Variants in KIAA1217 observed in about 807,000 individuals in gnomAD.
The protein encoded by KIAA1217 is KIAA1217, also known as sickle tail protein homolog.
KIAA1217 carries 88 observed loss-of-function variants against 163.9 expected under a neutral mutation model. The observed-to-expected ratio is 0.54, with a 90% CI of 0.45 to 0.64. KIAA1217 has a LOEUF of 0.64. Ranked by LOEUF, KIAA1217 falls within the 30% of genes least tolerant of loss-of-function variation. The pLI is 0.00. For synonymous variants in KIAA1217, 903 were observed against 923.1 expected (o/e 0.98, Z 0.39); for missense variants, 2,372 against 2,475.0 (o/e 0.96, Z 0.88).
chr10:24,389,550 TAA>T (rs113154724), intron 3 of KIAA1217, among the ~76,000 whole-genome samples: 23 of 138,418 alleles, frequency 1.7e-4, no homozygotes, highest in Middle Eastern at 3.6e-3. Flanking sequence ...TAAAGTATAA[TAA>T]AAAAAAAAAA....
chr10:24,213,480 GC>G (rs2068419784), intron 1 of KIAA1217, among the ~76,000 whole-genome samples: 1 of 152,136 alleles, frequency 6.6e-6, no homozygotes, highest in Admixed American at 6.6e-5. Context: ...CTCTAAAACA[GC>G]CCCCTCAGTC....
intron 2 of KIAA1217, among the ~76,000 whole-genome samples, chr10:24,025,425 A>T (rs138829243): frequency 0.016 from 2,438 of 151,844 alleles, 61 homozygotes; most frequent in African/African-American, 0.055. Context: ...GCTGTATAAG[A>T]TTTGAAATTA....
intron 1 of KIAA1217, among the ~76,000 whole-genome samples, chr10:23,990,519 T>C (rs1846174552): frequency 1.3e-5 from 2 of 152,330 alleles, no homozygotes; most frequent in South Asian, 2.1e-4. Context: ...TAATTCAGTT[T>C]CTGTGGGTGC....
intron 1 of KIAA1217, among the ~76,000 whole-genome samples, chr10:23,842,792 T>C (rs141653028): frequency 6.0e-4 from 91 of 152,048 alleles, no homozygotes; most frequent in African/African-American, 2.2e-3. Flanking sequence ...GCAGAAGAGT[T>C]TCCAAAATGG....
At chr10:23,933,146 T>C (rs1843326571) in intron 1 of KIAA1217, among the ~76,000 whole-genome samples, 1 of 152,244 alleles carries the variant, frequency 6.6e-6, no homozygotes, top group South Asian at 2.1e-4. Context: ...TGCTAGGCGT[T>C]GTGGAGCTAG....
At chr10:24,288,741 T>C (rs977426150) in intron 2 of KIAA1217, among the ~76,000 whole-genome samples, 3 of 152,222 alleles carry the variant, frequency 2.0e-5, no homozygotes, top group Non-Finnish European at 4.4e-5. Flanking sequence ...GATCATGGTA[T>C]GTCCTGTGCA....
chr10:24,044,555 A>G (rs986327533), intron 2 of KIAA1217, among the ~76,000 whole-genome samples: 2 of 151,972 alleles, frequency 1.3e-5, no homozygotes, highest in African/African-American at 4.8e-5. Context: ...AGACTAGTGT[A>G]GTGACCCTTC....
intron 2 of KIAA1217, among the ~76,000 whole-genome samples, chr10:24,345,764 CATTTT>C (rs2047664071): frequency 6.6e-6 from 1 of 151,426 alleles, no homozygotes; most frequent in Non-Finnish European, 1.5e-5. Context: ...CCCCCTTTCT[CATTTT>C]ATTCATTTGA....
intron 1 of KIAA1217, among the ~76,000 whole-genome samples, chr10:24,209,928 A>G (rs972006083): frequency 2.0e-5 from 3 of 152,156 alleles, no homozygotes; most frequent in African/African-American, 7.2e-5. Flanking sequence ...GGGAATTTCC[A>G]GAAGCTTATG....
At chr10:23,822,205 C>A (rs950243526) in intron 1 of KIAA1217, among the ~76,000 whole-genome samples, 1 of 152,292 alleles carries the variant, frequency 6.6e-6, no homozygotes, top group Non-Finnish European at 1.5e-5. Context: ...GACTCCAAAG[C>A]CTGCATAGGG....
In KIAA1217 at chr10:23,921,995, A is replaced by T. The variant is rs546501734; in HGVS notation, c.-320-85230A>T. Among the ~76,000 whole-genome samples, 20 of 152,172 alleles carry T rather than the reference A, an allele frequency of 1.3e-4. No homozygotes were observed. The South Asian group carries it at 1.7e-3, about 13-fold the overall frequency. ...TAGATAGCTTCAGGATGGGAGTTGC[A>T]GTTGCCAGAGGTACCAGCCATGTGA... On this transcript the variant is annotated intron_variant, in intron 1 of 18. Coordinates refer to the KIAA1217 transcript ENST00000376462.
intron 2 of KIAA1217, among the ~76,000 whole-genome samples, chr10:24,306,215 T>G (rs1347177230): frequency 6.6e-6 from 1 of 152,176 alleles, no homozygotes; most frequent in African/African-American, 2.4e-5. Flanking sequence ...TTTCTACTGT[T>G]AATACCCACA....
chr10:24,059,982 T>C (rs1232088576), intron 2 of KIAA1217, among the ~76,000 whole-genome samples: 4 of 152,214 alleles, frequency 2.6e-5, no homozygotes, highest in African/African-American at 9.6e-5. Context: ...TCTTACAATC[T>C]ATTCATAGTA....
intron 1 of KIAA1217, among the ~76,000 whole-genome samples, chr10:23,873,471 G>T (rs772162123): frequency 1.3e-5 from 2 of 151,896 alleles, no homozygotes; most frequent in Non-Finnish European, 2.9e-5. Flanking sequence ...TACTGCATCC[G>T]GCCTTACTCA....
At chr10:24,098,376 G>A (rs201363867) in intron 2 of KIAA1217, among the ~76,000 whole-genome samples, 1 of 152,116 alleles carries the variant, frequency 6.6e-6, no homozygotes, top group East Asian at 1.9e-4. Flanking sequence ...CAGAGTGTCT[G>A]AAATATGGAA....
At chr10:24,487,204 C>T (rs1592322565) in intron 6 of KIAA1217, among the ~76,000 whole-genome samples, 2 of 152,302 alleles carry the variant, frequency 1.3e-5, no homozygotes, top group East Asian at 1.9e-4. Context: ...CTTGTTCTTC[C>T]GCAGCCTATT....
At chr10:24,198,701 T>C (rs185724494) in intron 2 of KIAA1217, among the ~76,000 whole-genome samples, 1 of 152,046 alleles carries the variant, frequency 6.6e-6, no homozygotes, top group Admixed American at 6.6e-5. Flanking sequence ...ATAAATCTCA[T>C]GAAAGAGGCT....
chr10:24,029,897 A>T (rs1848122918), intron 2 of KIAA1217, among the ~76,000 whole-genome samples: 1 of 152,178 alleles, frequency 6.6e-6, no homozygotes, highest in Non-Finnish European at 1.5e-5. Flanking sequence ...GCAAGGGAAC[A>T]TGGTGGATCT....
intron 1 of KIAA1217, among the ~76,000 whole-genome samples, chr10:23,921,325 G>A (rs561543265): frequency 6.6e-6 from 1 of 152,252 alleles, no homozygotes; most frequent in Admixed American, 6.5e-5. Flanking sequence ...ACAGACAACT[G>A]TGGGCTCATT....
Sources: allele counts gnomAD v4.1 joint callset (sites outside exome capture counted in the v4.1 genomes callset), GRCh38; gene constraint gnomAD v4.1.1; transcripts MANE v1.5; gene names NCBI Gene and HGNC (gene_info 2026-07-23, HGNC 2026-07-21).